NRG1: variants seen among roughly 807,000 people sequenced by gnomAD.
NRG1 encodes neuregulin 1.
A neutral mutation model predicts 63.8 loss-of-function variants in NRG1; 18 were observed. The observed-to-expected ratio is 0.28, with a 90% confidence interval of 0.19 to 0.42. The LOEUF (loss-of-function observed/expected upper bound fraction) is 0.42, where lower values mean the gene tolerates loss of function less well. Ranked by LOEUF, NRG1 falls within the 10% of genes least tolerant of loss-of-function variation. The pLI is 1.00. For synonymous variants in NRG1, 302 were observed against 301.3 expected (o/e 1.00, Z -0.02); for missense variants, 762 against 814.7 (o/e 0.94, Z 0.79).
At chr8:32,205,102 TATC>T (rs1389094863) in intron 1 of NRG1, among the ~76,000 whole-genome samples, 1 of 152,196 alleles carries the variant, frequency 6.6e-6, no homozygotes, top group Admixed American at 6.5e-5. Context: ...TAAGTAAACA[TATC>T]ATATAAATGG....
chr8:31,826,701 G>C (rs1824602467), intron 1 of NRG1, among the ~76,000 whole-genome samples: 1 of 152,176 alleles, frequency 6.6e-6, no homozygotes, highest in African/African-American at 2.4e-5. Context: ...CTGGAGAATG[G>C]AGGCCAGTGC....
intron 1 of NRG1, among the ~76,000 whole-genome samples, chr8:32,376,888 T>C (rs1363436945): frequency 1.3e-5 from 2 of 152,214 alleles, no homozygotes; most frequent in Non-Finnish European, 2.9e-5. Flanking sequence ...TCTTTCATTA[T>C]TGGAAAGGAA....
chr8:31,818,294 TA>T (rs1315236959), intron 1 of NRG1, among the ~76,000 whole-genome samples: 1 of 152,216 alleles, frequency 6.6e-6, no homozygotes, highest in Non-Finnish European at 1.5e-5. Context: ...GGATTCACAT[TA>T]AAACAATTTT....
chr8:32,061,446 A>G (rs527545953), intron 1 of NRG1, among the ~76,000 whole-genome samples: 39 of 152,016 alleles, frequency 2.6e-4, no homozygotes, highest in Admixed American at 2.0e-3. Context: ...TACCTACCCA[A>G]TAGGTACACA....
chr8:32,205,074 G>A (rs1363236013), intron 1 of NRG1, among the ~76,000 whole-genome samples: 4 of 152,194 alleles, frequency 2.6e-5, no homozygotes, highest in African/African-American at 4.8e-5. Flanking sequence ...CATTGGAGAA[G>A]TAGACGTGAT....
intron 1 of NRG1, among the ~76,000 whole-genome samples, chr8:32,549,863 C>T (rs892049911): frequency 6.6e-6 from 1 of 152,142 alleles, no homozygotes; most frequent in Non-Finnish European, 1.5e-5. Context: ...TATTTTTTGC[C>T]TCTGCAATTC....
intron 1 of NRG1, among the ~76,000 whole-genome samples, chr8:31,806,605 C>T (rs924907816): frequency 2.0e-5 from 3 of 152,132 alleles, no homozygotes; most frequent in African/African-American, 7.2e-5. Flanking sequence ...TGAAAAATTG[C>T]TCAACCTAAT....
intron 1 of NRG1, among the ~76,000 whole-genome samples, chr8:32,117,751 A>AC: frequency 6.6e-6 from 1 of 152,120 alleles, no homozygotes; most frequent in Non-Finnish European, 1.5e-5. Context: ...AGGCATTCCT[A>AC]TGGAATAATC....
chr8:31,853,808 GT>G (rs1171960217), intron 1 of NRG1, among the ~76,000 whole-genome samples: 1 of 151,964 alleles, frequency 6.6e-6, no homozygotes, highest in African/African-American at 2.4e-5. Context: ...TTTGTTGAGA[GT>G]TTTTAGCATG....
intron 5 of NRG1, among the ~76,000 whole-genome samples, chr8:32,710,253 CTGGAGATAATTTTTTTA>C (rs1377785570): frequency 1.3e-5 from 2 of 152,132 alleles, no homozygotes; most frequent in Admixed American, 6.6e-5. Context: ...TCAAATGTCC[CTGGAGATAATTTTTTTA>C]TTTTATGTAA....
intron 1 of NRG1, chr8:32,287,450 C>T (rs1383440514): frequency 6.6e-6 from 1 of 152,224 alleles, no homozygotes; most frequent in South Asian, 2.1e-4. Context: ...ACCTTCTGCT[C>T]TAATGAGTTT....
chr8:32,510,937 CCTTT>C (rs1325373770), intron 1 of NRG1, among the ~76,000 whole-genome samples: 4 of 148,592 alleles, frequency 2.7e-5, no homozygotes, highest in East Asian at 4.3e-4. Flanking sequence ...TTGGAATCTT[CCTTT>C]CTTTCTTTCT....
At chr8:31,760,917 A>G (rs1170105710) in intron 1 of NRG1, among the ~76,000 whole-genome samples, 2 of 151,992 alleles carry the variant, frequency 1.3e-5, no homozygotes, top group African/African-American at 2.4e-5. Flanking sequence ...ATCTAGAACT[A>G]GAAATACCAT....
chr8:32,426,569 A>G lies in NRG1; in HGVS notation c.38-169259A>G, dbSNP rs78789718. ...TAGTAGACATTCTCCTAGGATGTTT[A>G]TGTTTGTGAAGATGATAAATGGAAG... On this transcript the variant is annotated intron_variant, in intron 1 of 10. Coordinates refer to the NRG1 transcript ENST00000519301. 7.5e-3 allele frequency among the ~76,000 whole-genome samples: 1,137 copies of G among 152,294 alleles called. 17 individuals are homozygous for G. Among genetic ancestry groups the G allele is most frequent in the African/African-American group, 0.025 (1,043 of 41,570 alleles).
At chr8:32,028,161 A>G (rs1175889139) in intron 1 of NRG1, among the ~76,000 whole-genome samples, 1 of 152,170 alleles carries the variant, frequency 6.6e-6, no homozygotes, top group Non-Finnish European at 1.5e-5. Flanking sequence ...AATCTTTAAG[A>G]ACATGGCTCT....
chr8:32,326,712 A>C (rs1802070802), intron 1 of NRG1, among the ~76,000 whole-genome samples: 1 of 152,124 alleles, frequency 6.6e-6, no homozygotes, highest in African/African-American at 2.4e-5. Context: ...GTAAAGAGAA[A>C]CCAGTGAGTC....
At chr8:31,639,849 C>T (rs565220990) in intron 1 of NRG1, 4 of 1,139,774 alleles carry the variant, frequency 3.5e-6, no homozygotes, top group Non-Finnish European at 4.3e-6. Context: ...CCTGCACCCC[C>T]AATAAATAAA....
chr8:32,209,326 A>T (rs987580251), intron 1 of NRG1, among the ~76,000 whole-genome samples: 1 of 152,164 alleles, frequency 6.6e-6, no homozygotes, highest in Non-Finnish European at 1.5e-5. Context: ...TTAAAAATAG[A>T]TAAGTAAATG....
chr8:32,763,974 A>C, exon 12 of NRG1: 1 of 1,614,076 alleles, frequency 6.2e-7, no homozygotes, highest in Non-Finnish European at 8.5e-7. Flanking sequence ...TCAGCAGTTC[A>C]GCTCCTTCCA....
Sources: allele counts gnomAD v4.1 joint callset (sites outside exome capture counted in the v4.1 genomes callset), GRCh38; gene constraint gnomAD v4.1.1; transcripts MANE v1.5; gene names NCBI Gene and HGNC (gene_info 2026-07-23, HGNC 2026-07-21).